Variants in PIK3CD observed in about 807,000 individuals in gnomAD.
The protein encoded by PIK3CD is phosphatidylinositol 4,5-bisphosphate 3-kinase catalytic subunit delta isoform.
A neutral mutation model predicts 122.9 loss-of-function variants in PIK3CD; 20 were observed. The observed-to-expected ratio is 0.16, with a 90% confidence interval of 0.11 to 0.24. The LOEUF (loss-of-function observed/expected upper bound fraction) is 0.24. Ranked by LOEUF, PIK3CD falls within the 10% of genes least tolerant of loss-of-function variation. The probability of loss-of-function intolerance (pLI) is 1.00; values close to 1 mark genes in which losing one functional copy is unlikely to be tolerated. For missense variants in PIK3CD, 787 were observed against 1,406.3 expected, an observed-to-expected ratio of 0.56 and a Z score of 7.04; for synonymous variants, 596 against 593.4, an observed-to-expected ratio of 1.00 and a Z score of -0.06.
At chr1:9,666,283 G>A (rs1026666306) in intron 1 of PIK3CD, among the ~76,000 whole-genome samples, 8 of 110,192 alleles carry the variant, frequency 7.3e-5, no homozygotes, top group Admixed American at 5.2e-4. Flanking sequence ...CTCTGTCACC[G>A]AGGCTGGAGT....
chr1:9,681,239 T>G (rs1645738426), intron 1 of PIK3CD: 1 of 152,152 alleles, frequency 6.6e-6, no homozygotes, highest in Non-Finnish European at 1.5e-5. Flanking sequence ...AATTTTTTCA[T>G]TAATTAATTA....
At chr1:9,644,580 C>T in the PIK3CD span, among the ~76,000 whole-genome samples, 7 of 151,736 alleles carry the variant, frequency 4.6e-5, no homozygotes, top group African/African-American at 1.7e-4. Flanking sequence ...GAACAGCCAT[C>T]ATCGTTCTTC....
At chr1:9,647,384 A>C (rs1269497949), upstream of PIK3CD, among the ~76,000 whole-genome samples, 1 of 151,884 alleles carries the variant, frequency 6.6e-6, no homozygotes, top group Non-Finnish European at 1.5e-5. Flanking sequence ...ACAGAGTGAG[A>C]CCCTGTCTCA....
At chr1:9,691,433 TTTTCTTTC>T (rs574615710) in intron 1 of PIK3CD, 26 bp from the exon 2 acceptor site, 23 of 397,250 alleles carry the variant, frequency 5.8e-5, no homozygotes, top group Middle Eastern at 6.3e-4. Context: ...GTTAAAATAG[TTTTCTTTC>T]TTTCTTTCTT....
intron 1 of PIK3CD, among the ~76,000 whole-genome samples, chr1:9,677,886 C>T (rs1027550806): frequency 2.0e-5 from 3 of 151,974 alleles, no homozygotes; most frequent in Admixed American, 2.0e-4. Flanking sequence ...CGTGGTGGCT[C>T]ATGCCTGTAA....
intron 1 of PIK3CD, among the ~76,000 whole-genome samples, chr1:9,684,888 A>G (rs1013155322): frequency 6.6e-6 from 1 of 150,922 alleles, no homozygotes; most frequent in African/African-American, 2.4e-5. Flanking sequence ...AAGAATGAGC[A>G]ATGCAAACCC....
At chr1:9,642,393 G>A in the PIK3CD span, among the ~76,000 whole-genome samples, 3 of 151,480 alleles carry the variant, frequency 2.0e-5, no homozygotes, top group African/African-American at 7.2e-5. Context: ...GATTACAGGC[G>A]TGAGCCGCTG....
At chr1:9,706,215 G>A (rs1211107098) in intron 2 of PIK3CD, among the ~76,000 whole-genome samples, 1 of 151,800 alleles carries the variant, frequency 6.6e-6, no homozygotes, top group Non-Finnish European at 1.5e-5. Context: ...AACTGGGTCT[G>A]GCTAGGAGCT....
intron 1 of PIK3CD, among the ~76,000 whole-genome samples, chr1:9,688,974 C>G (rs530026925): frequency 1.3e-5 from 2 of 152,154 alleles, no homozygotes. Context: ...TTCTAAATCT[C>G]ACATATAAGG....
At chr1:9,695,136 A>C (rs950062683) in intron 2 of PIK3CD, among the ~76,000 whole-genome samples, 4 of 152,224 alleles carry the variant, frequency 2.6e-5, no homozygotes, top group Non-Finnish European at 4.4e-5. Flanking sequence ...AGAAGTAAAA[A>C]TAGAAGAAGT....
the PIK3CD span, among the ~76,000 whole-genome samples, chr1:9,642,534 G>A: frequency 7.4e-5 from 11 of 148,548 alleles, no homozygotes; most frequent in African/African-American, 2.5e-4. Flanking sequence ...TGGCTAACAT[G>A]GTGAAACCCT....
At chr1:9,645,036 T>TTTTC in the PIK3CD span, among the ~76,000 whole-genome samples, 1 of 148,904 alleles carries the variant, frequency 6.7e-6, no homozygotes, top group Non-Finnish European at 1.5e-5. Context: ...TTTTTTTTTT[T>TTTTC]TTTTTTTGAG....
At chr1:9,675,768 T>C (rs891480776) in intron 1 of PIK3CD, among the ~76,000 whole-genome samples, 4 of 150,940 alleles carry the variant, frequency 2.7e-5, no homozygotes, top group Non-Finnish European at 5.9e-5. Context: ...TTTTGTTTTG[T>C]TTTTTCCTTT....
Position 9,723,315 on chromosome 1 carries a change from G to A in PIK3CD, c.2594+23G>A. 2 of 1,613,038 alleles carry A rather than the reference G, an allele frequency of 1.2e-6. No homozygotes were observed. The highest frequency in any genetic ancestry group is 1.7e-6 in the Non-Finnish European group (2 of 1,179,322). On this transcript the variant is annotated intron_variant, in intron 20 of 23. Coordinates refer to ENST00000377346, the MANE Select transcript of PIK3CD (RefSeq NM_005026.5). The surrounding 1 kb of genome is among the most constrained non-coding windows in gnomAD (Gnocchi z 4.9). ...GGGGTGGGTTTCAGGCCCAGGGATA[G>A]GTTCCCTCTCCTTTCCAAGAGGTGT...
intron 1 of PIK3CD, among the ~76,000 whole-genome samples, chr1:9,676,975 G>A (rs1557612221): frequency 6.6e-6 from 1 of 152,178 alleles, no homozygotes; most frequent in Non-Finnish European, 1.5e-5. Context: ...AGGAGAGAGT[G>A]TGACCAGGAC....
chr1:9,690,679 T>C lies in PIK3CD; in HGVS notation c.-137-788T>C, dbSNP rs141016398. The stretch of plus-strand genomic sequence containing the variant: ...CGCAGGGAGGACTCCAGCTTGGTCC[T>C]TGGGAGATGTGTTCCTGCAACCCAT... On this transcript the variant is annotated intron_variant, in intron 1 of 23. Coordinates refer to ENST00000377346, the MANE Select transcript of PIK3CD (RefSeq NM_005026.5). 3.3e-4 allele frequency among the ~76,000 whole-genome samples: 50 copies of C among 152,276 alleles called. 1 individual carries two copies. The East Asian group carries it at 9.5e-3, about 29-fold the overall frequency.
chr1:9,639,694 C>A, the PIK3CD span, among the ~76,000 whole-genome samples: 5 of 152,214 alleles, frequency 3.3e-5, no homozygotes, highest in East Asian at 9.7e-4. Flanking sequence ...CTGCCTGCCC[C>A]TCAACCTCAA....
intron 2 of PIK3CD, among the ~76,000 whole-genome samples, chr1:9,706,418 A>G (rs945143170): frequency 5.3e-5 from 8 of 151,878 alleles, no homozygotes; most frequent in Non-Finnish European, 1.2e-4. Flanking sequence ...GCTTGAGCCC[A>G]GGAGTTGGAG....
At chr1:9,627,638 T>C in the PIK3CD span, among the ~76,000 whole-genome samples, 2 of 152,188 alleles carry the variant, frequency 1.3e-5, no homozygotes, top group Non-Finnish European at 2.9e-5. Context: ...ACTTTACAGA[T>C]ATTAACTTAT....
Sources: allele counts gnomAD v4.1 joint callset (sites outside exome capture counted in the v4.1 genomes callset), GRCh38; gene constraint gnomAD v4.1.1; non-coding constraint Gnocchi (gnomAD v3.1); transcripts MANE v1.5; gene names NCBI Gene and HGNC (gene_info 2026-07-23, HGNC 2026-07-21).